The following TAFA5 variants were observed in gnomAD, a reference collection of about 807,000 sequenced individuals.
TAFA5 encodes the protein chemokine-like protein TAFA-5.
A neutral mutation model predicts 15.3 loss-of-function variants in TAFA5; 6 were observed. The observed-to-expected ratio is 0.39, with a 90% confidence interval of 0.21 to 0.77. TAFA5 has a LOEUF of 0.77. Ranked by LOEUF, TAFA5 falls within the 30% of genes least tolerant of loss-of-function variation. The pLI is 0.41. For missense variants in TAFA5, 161 were observed against 193.1 expected (o/e 0.83, Z 0.98); for synonymous variants, 103 against 80.7 (o/e 1.28, Z -1.48).
intron 1 of TAFA5, among the ~76,000 whole-genome samples, chr22:48,492,588 A>AC (rs1489880071): frequency 2.0e-5 from 3 of 152,170 alleles, no homozygotes; most frequent in Non-Finnish European, 4.4e-5. Context: ...CCTGCAGTCC[A>AC]CCAATTAGGC....
chr22:48,597,933 T>C (rs971485516), intron 1 of TAFA5, among the ~76,000 whole-genome samples: 14 of 152,200 alleles, frequency 9.2e-5, no homozygotes, highest in African/African-American at 3.4e-4. Flanking sequence ...GCTGATGGCA[T>C]GAACACAGGA....
chr22:48,546,506 T>A, intron 1 of TAFA5: 1 of 471,182 alleles, frequency 2.1e-6, no homozygotes, highest in Non-Finnish European at 4.4e-6. Context: ...GCCCCTGTTT[T>A]TCTCACCTGG....
At chr22:48,594,670 C>T (rs1924697696) in intron 1 of TAFA5, among the ~76,000 whole-genome samples, 1 of 152,202 alleles carries the variant, frequency 6.6e-6, no homozygotes, top group South Asian at 2.1e-4. Flanking sequence ...TGTGGGTGTC[C>T]AGAGCCTTCT....
chr22:48,614,068 C>T (rs28360840), intron 1 of TAFA5, among the ~76,000 whole-genome samples: 29,310 of 152,192 alleles, frequency 0.19, 2,966 homozygotes, highest in Non-Finnish European at 0.22. Flanking sequence ...CGAAGCGGTC[C>T]TGACCTCCCG....
At chr22:48,671,548 G>T (rs1304853825) in intron 2 of TAFA5, among the ~76,000 whole-genome samples, 1 of 152,214 alleles carries the variant, frequency 6.6e-6, no homozygotes, top group Non-Finnish European at 1.5e-5. Context: ...TCAGAGGCTT[G>T]TGTTCTGGGA....
chr22:48,600,445 C>T lies in TAFA5; in HGVS notation c.113-46152C>T, dbSNP rs1205141267. ...GCCCGAGGCAGCCCTTGTGGCCACA[C>T]GGGCCTTGTCATGGTTCGGCCTTTC... is the stretch of plus-strand genomic sequence containing the variant. On this transcript the variant is annotated intron_variant, in intron 1 of 3. Transcript: ENST00000402357. Among the ~76,000 whole-genome samples the T allele has an allele frequency of 2.6e-5, 4 of 152,186 alleles. No homozygotes were observed. The South Asian group carries it at 8.3e-4, about 32-fold the overall frequency.
chr22:48,518,117 G>T (rs1294819857), intron 1 of TAFA5, among the ~76,000 whole-genome samples: 2 of 152,188 alleles, frequency 1.3e-5, no homozygotes, highest in Non-Finnish European at 2.9e-5. Context: ...CTTTCCGGGG[G>T]CTCCTCTCAC....
At chr22:48,556,795 C>A (rs1228259734) in intron 1 of TAFA5, among the ~76,000 whole-genome samples, 2 of 152,206 alleles carry the variant, frequency 1.3e-5, no homozygotes, top group East Asian at 1.9e-4. Flanking sequence ...TGATCATGGC[C>A]TTGCTCAGGG....
chr22:48,547,403 GTTTGCATTCC>G (rs1922713235), intron 1 of TAFA5: 1 of 152,260 alleles, frequency 6.6e-6, no homozygotes, highest in Non-Finnish European at 1.5e-5. Flanking sequence ...TTCCCCAGGT[GTTTGCATTCC>G]TTTGTAGAAG....
chr22:48,737,640 G>A, intron 3 of TAFA5, among the ~76,000 whole-genome samples: 1 of 152,248 alleles, frequency 6.6e-6, no homozygotes, highest in Non-Finnish European at 1.5e-5. Context: ...GGAAGTGGCA[G>A]AGCCACGTCC....
intron 1 of TAFA5, among the ~76,000 whole-genome samples, chr22:48,614,932 C>A (rs796951418): frequency 7.3e-4 from 111 of 152,278 alleles, no homozygotes; most frequent in African/African-American, 2.6e-3. Context: ...CTCCCAGTCA[C>A]CGGGGCCAGA....
rs1378937369 is a variant in TAFA5, at chr22:48,566,978, TC to T, written c.112+77278del. On this transcript the variant is annotated intron_variant, in intron 1 of 3. Coordinates refer to ENST00000402357, the MANE Select transcript of TAFA5 (RefSeq NM_001082967.3). This position sits in a 1 kb window ranked among gnomAD's most constrained non-coding sequence, Gnocchi z 4.5. Reference sequence around the variant, plus strand: ...TGCCTGCGGACTGGCCGCACTGGATTCCCCTTTCCCTGCGGAAGGGCACTTG... The same window carrying T: ...TGCCTGCGGACTGGCCGCACTGGATTCCCTTTCCCTGCGGAAGGGCACTTG... 6.6e-6 allele frequency among the ~76,000 whole-genome samples: 1 copy of T among 152,214 alleles called. No homozygotes were observed. The highest frequency in any genetic ancestry group is 1.9e-4 in the East Asian group (1 of 5,196).
chr22:48,612,288 G>T (rs1162345221), intron 1 of TAFA5, among the ~76,000 whole-genome samples: 2 of 152,214 alleles, frequency 1.3e-5, no homozygotes, highest in African/African-American at 4.8e-5. Flanking sequence ...GCACAGGGCG[G>T]CTCACTTGCA....
At chr22:48,643,994 G>C (rs951650827) in intron 1 of TAFA5, among the ~76,000 whole-genome samples, 2 of 152,212 alleles carry the variant, frequency 1.3e-5, no homozygotes. Flanking sequence ...ACGTGTGCTC[G>C]GGACCCGTCC....
chr22:48,662,194 G>A (rs954001261), intron 2 of TAFA5, among the ~76,000 whole-genome samples: 1 of 152,120 alleles, frequency 6.6e-6, no homozygotes, highest in Admixed American at 6.5e-5. Flanking sequence ...TGGGGACAGC[G>A]GGAGGAGCTC....
Position 48,636,096 on chromosome 22 carries a change from C to G in TAFA5, c.113-10501C>G, listed in dbSNP as rs371358773. On this transcript the variant is annotated intron_variant, in intron 1 of 3. Coordinates refer to ENST00000402357, the MANE Select transcript of TAFA5 (RefSeq NM_001082967.3). ...CAGTTGCTCCCGGCAGTGGTGGGAG[C>G]CAGCTGAAGATTCCAGAAGGGCCAT... 5.3e-5 allele frequency among the ~76,000 whole-genome samples: 8 copies of G among 152,354 alleles called. No individual in the cohort carries two copies. The East Asian group carries it at 1.5e-3, about 29-fold the overall frequency.
chr22:48,515,951 C>T (rs1191986944), intron 1 of TAFA5, among the ~76,000 whole-genome samples: 1 of 151,974 alleles, frequency 6.6e-6, no homozygotes, highest in Non-Finnish European at 1.5e-5. Flanking sequence ...GAGACCCCCA[C>T]CCTACCCAGG....
At chr22:48,656,305 A>G (rs1281880364) in intron 2 of TAFA5, among the ~76,000 whole-genome samples, 1 of 152,032 alleles carries the variant, frequency 6.6e-6, no homozygotes, top group Non-Finnish European at 1.5e-5. Context: ...AAACGAAATT[A>G]CCATCCTGGC....
chr22:48,618,413 A>G (rs975367369), intron 1 of TAFA5, among the ~76,000 whole-genome samples: 1 of 152,272 alleles, frequency 6.6e-6, no homozygotes, highest in Non-Finnish European at 1.5e-5. Context: ...TTTTGGAACA[A>G]GAGACCTCGT....
Sources: allele counts gnomAD v4.1 joint callset (sites outside exome capture counted in the v4.1 genomes callset), GRCh38; gene constraint gnomAD v4.1.1; non-coding constraint Gnocchi (gnomAD v3.1); transcripts MANE v1.5; gene names NCBI Gene and HGNC (gene_info 2026-07-23, HGNC 2026-07-21).